MAPK4: variants seen among roughly 807,000 people sequenced by gnomAD.
MAPK4 encodes the protein mitogen-activated protein kinase 4.
Under a neutral mutation model 47.7 loss-of-function variants are expected in MAPK4, and 22 were observed. The ratio of observed to expected loss-of-function variants is 0.46; its 90% CI spans 0.33 to 0.66. The LOEUF is 0.66. Ranked by LOEUF, MAPK4 falls within the 30% of genes least tolerant of loss-of-function variation. The pLI is 0.02. For missense variants in MAPK4, 736 were observed against 831.7 expected, an observed-to-expected ratio of 0.88 and a Z score of 1.42; for synonymous variants, 390 against 365.7, an observed-to-expected ratio of 1.07 and a Z score of -0.76.
intron 1 of MAPK4, among the ~76,000 whole-genome samples, chr18:50,600,974 A>G (rs2042531540): frequency 6.6e-6 from 1 of 151,942 alleles, no homozygotes; most frequent in Admixed American, 6.6e-5. Flanking sequence ...AAGATAAAAA[A>G]GTGGTGGGCA....
intron 1 of MAPK4, among the ~76,000 whole-genome samples, chr18:50,581,739 G>A (rs1256626521): frequency 6.6e-6 from 1 of 152,170 alleles, no homozygotes; most frequent in African/African-American, 2.4e-5. Context: ...TGCACCTGTG[G>A]GTAGAATGTG....
At chr18:50,655,326 C>T (rs1028191436) in intron 1 of MAPK4, among the ~76,000 whole-genome samples, 2 of 152,014 alleles carry the variant, frequency 1.3e-5, no homozygotes, top group Non-Finnish European at 2.9e-5. Flanking sequence ...TGGCTCGGGT[C>T]GGTTGGTGTC....
rs146801581 is a variant in MAPK4 at position 50,647,793 on chromosome 18, A to C, written c.-870-15296A>C. 5.2e-3 allele frequency among the ~76,000 whole-genome samples: 792 copies of C among 152,110 alleles called. 7 individuals carry two copies. The highest frequency in any genetic ancestry group is 0.018 in the African/African-American group (750 of 41,472). ...CCTGGTCTTCAGTGCTCAACCATTCATTCCACATGTTCCTCTTAAGCCTCT... is the reference window on the plus strand; with the variant it reads ...CCTGGTCTTCAGTGCTCAACCATTCCTTCCACATGTTCCTCTTAAGCCTCT... On this transcript the variant is annotated intron_variant, in intron 1 of 5. Transcript: ENST00000400384.
In MAPK4 at chr18:50,688,889, T is replaced by TAAA. The variant is rs35330620; in HGVS notation, c.546+24404_546+24406dup. Among the ~76,000 whole-genome samples, 499 of 115,872 alleles carry TAAA rather than the reference T, an allele frequency of 4.3e-3. 3 individuals carry two copies. Among genetic ancestry groups the TAAA allele is most frequent in the African/African-American group, 0.014 (417 of 30,332 alleles). 76.0% of individuals were successfully genotyped at this position (115,872 alleles called of 152,430 possible). Reference sequence around the variant, plus strand: ...CTGTTCTCCCAAAAACCTATGGAAATAAAAAAAAAAAAAAAAAAAAAGAAA... The same window carrying TAAA: ...CTGTTCTCCCAAAAACCTATGGAAATAAAAAAAAAAAAAAAAAAAAAAAAGAAA... On this transcript the variant is annotated intron_variant, in intron 2 of 5. Transcript: ENST00000400384.
chr18:50,680,078 C>CTTTTT lies in MAPK4; in HGVS notation c.546+15600_546+15604dup, dbSNP rs138992946. ...CAGTGCTTTTATATTTGCTTTTAAA[C>CTTTTT]TTTTTTTTTTTTTTTTTTTTTTTTT... On this transcript the variant is annotated intron_variant, in intron 2 of 5. Coordinates refer to ENST00000400384, the MANE Select transcript of MAPK4 (RefSeq NM_002747.4). Among the ~76,000 whole-genome samples the CTTTTT allele has an allele frequency of 1.3e-4, 7 of 54,354 alleles. 1 individual carries two copies. Among genetic ancestry groups the CTTTTT allele is most frequent in the African/African-American group, 5.6e-4 (7 of 12,392 alleles). 35.7% of individuals were successfully genotyped at this position (54,354 alleles called of 152,430 possible). A position where few individuals can be genotyped will look rare whatever the true frequency, so the allele number is the denominator to read the frequency against.
intron 1 of MAPK4, among the ~76,000 whole-genome samples, chr18:50,625,028 TCTGGGGTAC>T (rs1225105984): frequency 1.3e-5 from 2 of 152,182 alleles, no homozygotes; most frequent in African/African-American, 4.8e-5. Context: ...TAATTCACTC[TCTGGGGTAC>T]CTGGAAGATG....
intron 1 of MAPK4, among the ~76,000 whole-genome samples, chr18:50,607,939 T>C (rs932457708): frequency 6.6e-6 from 1 of 152,220 alleles, no homozygotes; most frequent in East Asian, 1.9e-4. Context: ...TTCTTATAAT[T>C]TGCAAGAGCT....
intron 1 of MAPK4, among the ~76,000 whole-genome samples, chr18:50,594,364 A>G (rs897824543): frequency 6.6e-6 from 1 of 152,172 alleles, no homozygotes; most frequent in African/African-American, 2.4e-5. Flanking sequence ...GACACCTAAT[A>G]TTAACCATCA....
intron 1 of MAPK4, among the ~76,000 whole-genome samples, chr18:50,600,552 A>G (rs1420300868): frequency 6.6e-6 from 1 of 152,170 alleles, no homozygotes; most frequent in Non-Finnish European, 1.5e-5. Context: ...AGCCATGACC[A>G]TCAGAGCCAC....
At chr18:50,625,490 T>C (rs1180937883) in intron 1 of MAPK4, among the ~76,000 whole-genome samples, 1 of 152,112 alleles carries the variant, frequency 6.6e-6, no homozygotes, top group African/African-American at 2.4e-5. Flanking sequence ...CGTGAGCAAA[T>C]GTGTATTGGG....
At chr18:50,688,889 T>TAAAAAAA (rs35330620) in intron 2 of MAPK4, among the ~76,000 whole-genome samples, 51 of 115,526 alleles carry the variant, frequency 4.4e-4, no homozygotes, top group African/African-American at 5.9e-4. Flanking sequence ...CCTATGGAAA[T>TAAAAAAA]AAAAAAAAAA....
intron 1 of MAPK4, among the ~76,000 whole-genome samples, chr18:50,564,395 G>A (rs2042181071): frequency 6.6e-6 from 1 of 152,160 alleles, no homozygotes; most frequent in South Asian, 2.1e-4. Flanking sequence ...GATGCCAGGA[G>A]CACTAAACAC....
Position 50,668,283 on chromosome 18 carries a change from A to G in MAPK4, c.546+3779A>G, listed in dbSNP as rs149393856. On this transcript the variant is annotated intron_variant, in intron 2 of 5. Coordinates refer to ENST00000400384, the MANE Select transcript of MAPK4 (RefSeq NM_002747.4). The stretch of plus-strand genomic sequence containing the variant: ...ATGAATTCTTATTCGCCCACCCAGC[A>G]GTGTGCAGCAGCCTGGTCCTCATGC... Among the ~76,000 whole-genome samples the G allele has an allele frequency of 4.9e-3, 747 of 152,304 alleles. 10 individuals carry two copies. The highest frequency in any genetic ancestry group is 0.015 in the African/African-American group (627 of 41,572).
chr18:50,712,721 GA>G (rs5824848), intron 2 of MAPK4, among the ~76,000 whole-genome samples: 39,138 of 152,030 alleles, frequency 0.26, 6,186 homozygotes, highest in Non-Finnish European at 0.36. Flanking sequence ...AGACTCTGAG[GA>G]GAGGCAGATG....
Position 50,708,573 on chromosome 18 carries a change from C to T in MAPK4, c.547-6506C>T, listed in dbSNP as rs561123045. Among the ~76,000 whole-genome samples the T allele has an allele frequency of 3.9e-5, 6 of 152,270 alleles. No homozygotes were observed. The South Asian group carries it at 1.0e-3, about 26-fold the overall frequency. ...TCGAGGTCCTCAAGGGATCTGAGAGCACCCCAAAGTTTGAGAAGCCAAGCT... is the reference window on the plus strand; with the variant it reads ...TCGAGGTCCTCAAGGGATCTGAGAGTACCCCAAAGTTTGAGAAGCCAAGCT... On this transcript the variant is annotated intron_variant, in intron 2 of 5. Coordinates refer to ENST00000400384, the MANE Select transcript of MAPK4 (RefSeq NM_002747.4).
intron 4 of MAPK4, among the ~76,000 whole-genome samples, chr18:50,725,004 C>A (rs1051493248): frequency 1.8e-4 from 28 of 152,214 alleles, no homozygotes; most frequent in Admixed American, 1.4e-3. Context: ...TCCCAGGGCA[C>A]CCACCCCTGC....
chr18:50,612,976 G>A (rs549334850), intron 1 of MAPK4, among the ~76,000 whole-genome samples: 4 of 152,234 alleles, frequency 2.6e-5, no homozygotes, highest in African/African-American at 7.2e-5. Flanking sequence ...TCTGAAAATC[G>A]TGTCTGCCAA....
chr18:50,702,204 A>G (rs1044270789), intron 2 of MAPK4, among the ~76,000 whole-genome samples: 10 of 151,616 alleles, frequency 6.6e-5, no homozygotes, highest in African/African-American at 2.4e-4. Context: ...TAAAGTATCA[A>G]CCACACTAGA....
intron 2 of MAPK4, among the ~76,000 whole-genome samples, chr18:50,710,528 A>C (rs1489152376): frequency 2.0e-5 from 3 of 152,034 alleles, no homozygotes; most frequent in Non-Finnish European, 4.4e-5. Context: ...CTGTAATCCC[A>C]GCACTTTGGG....
Sources: gnomAD v4.1 joint callset for allele counts (sites outside exome capture counted in the v4.1 genomes callset) on GRCh38, gnomAD v4.1.1 for gene constraint, MANE v1.5 for transcripts, NCBI Gene and HGNC (gene_info 2026-07-23, HGNC 2026-07-21) for gene names.